THADA: variants seen among roughly 807,000 people sequenced by gnomAD.
The protein encoded by THADA is tRNA (32-2'-O)-methyltransferase regulator THADA.
THADA carries 213 observed loss-of-function variants against 219.8 expected under a neutral mutation model. That is an observed-to-expected ratio of 0.97 (90% CI 0.87 to 1.09). The LOEUF (loss-of-function observed/expected upper bound fraction) is 1.09. Ranked by LOEUF, THADA falls within the 50% of genes least tolerant of loss-of-function variation. THADA has a pLI of 0.00. For synonymous variants in THADA, 1,018 were observed against 828.9 expected, an observed-to-expected ratio of 1.23 and a Z score of -3.92; for missense variants, 2,956 against 2,311.3, an observed-to-expected ratio of 1.28 and a Z score of -5.72.
chr2:43,313,240 T>G (rs1677707730), intron 31 of THADA, among the ~76,000 whole-genome samples: 1 of 152,200 alleles, frequency 6.6e-6, no homozygotes, highest in Admixed American at 6.5e-5. Flanking sequence ...TTCCATTATA[T>G]AAATACAAGC....
At chr2:43,343,305 G>C (rs2104534085) in intron 30 of THADA, 1 of 152,358 alleles carries the variant, frequency 6.6e-6, no homozygotes, top group African/African-American at 2.4e-5. Context: ...CAAAGTGCTG[G>C]GATTACAGAC....
intron 26 of THADA, among the ~76,000 whole-genome samples, chr2:43,430,859 T>C (rs144549937): frequency 2.6e-5 from 4 of 152,346 alleles, no homozygotes; most frequent in Admixed American, 1.3e-4. Flanking sequence ...TCTTTAGACA[T>C]TGCCAAATAT....
chr2:43,532,412 C>CAA (rs773523844), intron 21 of THADA, among the ~76,000 whole-genome samples: 73 of 47,078 alleles, frequency 1.6e-3, no homozygotes, highest in African/African-American at 2.3e-3. Context: ...GACTCCACCT[C>CAA]AAAAAAAAAA....
chr2:43,387,524 C>G lies in THADA; in HGVS notation c.4227+10447G>C, dbSNP rs186387779. ...AGTATGCTGAGCCACAACTTCTGCC[C>G]GGGTCAGGAATGGTTTCTTTGGTGG... On this transcript the variant is annotated intron_variant, in intron 29 of 37. Transcript: ENST00000405975. Among the ~76,000 whole-genome samples the G allele has an allele frequency of 2.6e-5, 4 of 150,968 alleles. No homozygotes were observed. The East Asian group carries it at 7.7e-4, about 29-fold the overall frequency.
intron 13 of THADA, 105 bp from the exon 14 acceptor site, chr2:43,570,615 A>G: frequency 8.5e-7 from 1 of 1,177,922 alleles, no homozygotes; most frequent in South Asian, 1.8e-5. Context: ...AGAAGAGTAC[A>G]GATTTTTAAG....
chr2:43,288,025 T>C (rs1674248196), intron 34 of THADA, among the ~76,000 whole-genome samples: 1 of 152,216 alleles, frequency 6.6e-6, no homozygotes, highest in African/African-American at 2.4e-5. Flanking sequence ...AACAACAAAG[T>C]ATGAGAACCT....
chr2:43,554,467 A>G (rs1453542695), intron 17 of THADA, among the ~76,000 whole-genome samples: 1 of 152,228 alleles, frequency 6.6e-6, no homozygotes, highest in Non-Finnish European at 1.5e-5. Flanking sequence ...ATCAATAAGA[A>G]AAAGACAAAC....
rs1672982995 is a variant in THADA at position 43,388,626 on chromosome 2, G to C, written c.4227+9345C>G. 2.0e-5 allele frequency among the ~76,000 whole-genome samples: 3 copies of C among 152,324 alleles called. 1 individual carries two copies. The highest frequency in any genetic ancestry group is 4.1e-4 in the South Asian group (2 of 4,826). On this transcript the variant is annotated intron_variant, in intron 29 of 37. Transcript: ENST00000405975. ...AAACAGGTGCAAGGAATAACAACCT[G>C]ATAGGCAAGAACTCTGCCCTTAAAA...
At chr2:43,413,863 C>CAGCCCACCCATATTGT (rs1676617681) in intron 28 of THADA, among the ~76,000 whole-genome samples, 1 of 152,204 alleles carries the variant, frequency 6.6e-6, no homozygotes. Context: ...GCAGGCCATG[C>CAGCCCACCCATATTGT]AGCCCACCCA....
intron 7 of THADA, among the ~76,000 whole-genome samples, chr2:43,585,577 T>TAGATAGATAGAA (rs1553505551): frequency 3.1e-3 from 426 of 135,274 alleles, no homozygotes; most frequent in Middle Eastern, 0.01. Context: ...GATAGATAGA[T>TAGATAGATAGAA]AGAAAGAAAT....
intron 28 of THADA, among the ~76,000 whole-genome samples, chr2:43,413,094 G>T (rs921944307): frequency 6.6e-6 from 1 of 152,050 alleles, no homozygotes; most frequent in African/African-American, 2.4e-5. Flanking sequence ...TTGAAATAGG[G>T]TTATTTTCTT....
chr2:43,586,271 A>G lies in THADA; in HGVS notation c.533+130T>C, dbSNP rs1310800947. ...CACAGCAAGACCCCATCTCAAAAAA[A>G]ATATAAAAGTGATAATATTAATGAA... is the stretch of plus-strand genomic sequence containing the variant. On this transcript the variant is annotated intron_variant, in intron 7 of 37. Transcript: ENST00000405975. The G allele has an allele frequency of 3.7e-6, 3 of 807,254 alleles. No homozygotes were observed. The East Asian group carries it at 9.0e-5, about 24-fold the overall frequency. The allele number at this position is 807,254 out of a possible 1,614,324, so 50.0% of individuals were successfully genotyped here. A position where few individuals can be genotyped will look rare whatever the true frequency, so the allele number is the denominator to read the frequency against.
intron 29 of THADA, among the ~76,000 whole-genome samples, chr2:43,355,199 G>C (rs1234446048): frequency 1.3e-5 from 2 of 152,164 alleles, no homozygotes; most frequent in Non-Finnish European, 2.9e-5. Flanking sequence ...ATAAACAAGA[G>C]AGTGCAAATA....
At position 43,586,902 on chromosome 2, in the gene THADA, T is replaced by G. The variant is rs1298808130; in HGVS notation, c.403A>C (p.Arg135=). The G allele has an allele frequency of 6.2e-7, 1 of 1,613,810 alleles. No individual in the cohort carries two copies. Among genetic ancestry groups the G allele is most frequent in the Non-Finnish European group, 8.5e-7 (1 of 1,179,864 alleles). The change falls in exon 5 of 38, where the codon AGG becomes CGG. Residue 135 remains arginine, a synonymous_variant. Coordinates refer to ENST00000405975, the MANE Select transcript of THADA (RefSeq NM_022065.5). ...GAAGAAATATTGTCAGTAACTTTCCTGTAAGAGTATAAGTCAGTAGTATTC... is the reference window on the plus strand; with the variant it reads ...GAAGAAATATTGTCAGTAACTTTCCGGTAAGAGTATAAGTCAGTAGTATTC... The part of the protein sequence containing the change: ...ELNTTDLYSY[R]KVTDNISSCM...
intron 31 of THADA, among the ~76,000 whole-genome samples, chr2:43,318,690 G>T (rs761779612): frequency 2.0e-5 from 3 of 152,126 alleles, no homozygotes; most frequent in Non-Finnish European, 4.4e-5. Context: ...ACATCTTTAA[G>T]AGTAATATAT....
intron 36 of THADA, among the ~76,000 whole-genome samples, chr2:43,253,878 T>C (rs942016187): frequency 7.9e-5 from 12 of 152,096 alleles, no homozygotes; most frequent in African/African-American, 2.7e-4. Flanking sequence ...ATCCAGGTTC[T>C]TTGGCCTAGC....
chr2:43,449,800 C>T (rs12105399), intron 26 of THADA, among the ~76,000 whole-genome samples: 8 of 152,064 alleles, frequency 5.3e-5, no homozygotes, highest in Middle Eastern at 3.4e-3. Context: ...TACATGCAAA[C>T]GGTCCTGAAT....
At chr2:43,460,238 T>TAAAAAAAAAAAAAAAA (rs10560565) in intron 26 of THADA, among the ~76,000 whole-genome samples, 1 of 63,514 alleles carries the variant, frequency 1.6e-5, no homozygotes, top group African/African-American at 5.9e-5. Context: ...TTTCTCTTAA[T>TAAAAAAAAAAAAAAAA]AAAAAAAAAA....
intron 26 of THADA, among the ~76,000 whole-genome samples, chr2:43,475,776 T>A (rs1685461454): frequency 6.6e-6 from 1 of 152,240 alleles, no homozygotes; most frequent in Admixed American, 6.5e-5. Flanking sequence ...TTTTATGGAA[T>A]CATATATCTA....
Sources: allele counts gnomAD v4.1 joint callset (sites outside exome capture counted in the v4.1 genomes callset), GRCh38; gene constraint gnomAD v4.1.1; transcripts MANE v1.5; gene names NCBI Gene and HGNC (gene_info 2026-07-23, HGNC 2026-07-21).